Variants in SULT4A1 observed in about 807,000 individuals in gnomAD.
The protein encoded by SULT4A1 is sulfotransferase 4A1.
In SULT4A1, 11 loss-of-function variants were observed where a neutral mutation model predicts 35.2. The ratio of observed to expected loss-of-function variants is 0.31; its 90% confidence interval spans 0.20 to 0.52. SULT4A1 has a LOEUF of 0.52. SULT4A1 is among the 20% of genes least tolerant of loss of function. SULT4A1 has a pLI of 0.97. For synonymous variants in SULT4A1, 152 were observed against 151.8 expected (o/e 1.00, Z -0.01); for missense variants, 271 against 383.7 (o/e 0.71, Z 2.45).
intron 2 of SULT4A1, among the ~76,000 whole-genome samples, chr22:43,841,507 A>C (rs1008901427): frequency 6.6e-6 from 1 of 152,066 alleles, no homozygotes; most frequent in African/African-American, 2.4e-5. Flanking sequence ...CCCCCAGGGG[A>C]AAGCGAGGGG....
intron 1 of SULT4A1, among the ~76,000 whole-genome samples, chr22:43,852,011 A>AG (rs1200945198): frequency 1.3e-5 from 2 of 152,154 alleles, no homozygotes; most frequent in Non-Finnish European, 2.9e-5. Flanking sequence ...CTGGGAGTTC[A>AG]GAGCTTTCTA....
chr22:43,859,385 G>A (rs775863914), intron 1 of SULT4A1, among the ~76,000 whole-genome samples: 6 of 152,238 alleles, frequency 3.9e-5, no homozygotes, highest in Non-Finnish European at 8.8e-5. Flanking sequence ...AGGACTGGCC[G>A]GAACCAGGGG....
intron 1 of SULT4A1, among the ~76,000 whole-genome samples, chr22:43,846,445 T>C (rs2063477629): frequency 6.6e-6 from 1 of 152,232 alleles, no homozygotes; most frequent in African/African-American, 2.4e-5. Flanking sequence ...CATGTGGCCA[T>C]GCTCAATTCA....
intron 4 of SULT4A1, among the ~76,000 whole-genome samples, chr22:43,838,627 G>C (rs993947078): frequency 3.7e-4 from 56 of 152,346 alleles, no homozygotes; most frequent in African/African-American, 1.3e-3. Context: ...CCGACAGTGT[G>C]GTAGAAGAGA....
At chr22:43,858,077 G>GA (rs1285293121) in intron 1 of SULT4A1, among the ~76,000 whole-genome samples, 31 of 135,918 alleles carry the variant, frequency 2.3e-4, no homozygotes, top group African/African-American at 8.2e-4. Context: ...AGGAAAGAAA[G>GA]AAAAAAAAAG....
intron 6 of SULT4A1, chr22:43,827,755 C>CCACA (rs3223292): frequency 0.24 from 77,317 of 325,932 alleles, 7,147 homozygotes; most frequent in East Asian, 0.43. Flanking sequence ...CGCTGCTTCA[C>CCACA]CACACACACA....
At chr22:43,850,597 C>G (rs965576354) in intron 1 of SULT4A1, among the ~76,000 whole-genome samples, 2 of 152,134 alleles carry the variant, frequency 1.3e-5, no homozygotes, top group African/African-American at 2.4e-5. Flanking sequence ...TGCCCCTGTT[C>G]CCTCTGCTCT....
At chr22:43,839,366 G>A (rs2063405853) in intron 3 of SULT4A1, among the ~76,000 whole-genome samples, 1 of 152,184 alleles carries the variant, frequency 6.6e-6, no homozygotes. Flanking sequence ...GGCCGAGGTG[G>A]GTAGATCACC....
rs190454965 is a variant in SULT4A1 at position 43,833,293 on chromosome 22, G to A, written c.603+347C>T. On this transcript the variant is annotated intron_variant, in intron 5 of 6. Transcript: ENST00000330884. ...GGCTCCCCAAGCTACCAGCTGCCTCGTGTCTCACTGCAGACAGTGGCCTCT... is the reference window on the plus strand; with the variant it reads ...GGCTCCCCAAGCTACCAGCTGCCTCATGTCTCACTGCAGACAGTGGCCTCT... 5.4e-4 allele frequency among the ~76,000 whole-genome samples: 82 copies of A among 152,104 alleles called. No individual in the cohort carries two copies. The East Asian group carries it at 0.013, about 24-fold the overall frequency.
Position 43,833,625 on chromosome 22 carries a change from T to G in SULT4A1, c.603+15A>C, listed in dbSNP as rs1437636753. The G allele has an allele frequency of 6.3e-7, 1 of 1,584,748 alleles. No individual in the cohort carries two copies. Among genetic ancestry groups the G allele is most frequent in the South Asian group, 1.1e-5 (1 of 87,206 alleles). ...GCCAGGGCACCCGGAGGACAGCTGCTCCGGCAGCACTCACCCGATGCATGT... is the reference window on the plus strand; with the variant it reads ...GCCAGGGCACCCGGAGGACAGCTGCGCCGGCAGCACTCACCCGATGCATGT... On this transcript the variant is annotated intron_variant, in intron 5 of 6. Transcript: ENST00000330884.
chr22:43,846,630 G>A (rs1303117533), intron 1 of SULT4A1, among the ~76,000 whole-genome samples: 1 of 152,246 alleles, frequency 6.6e-6, no homozygotes, highest in Non-Finnish European at 1.5e-5. Context: ...TACACACAAA[G>A]AACTTCTCAG....
chr22:43,833,780 A>C (rs1485289940), intron 4 of SULT4A1, 46 bp from the exon 5 acceptor site: 1 of 1,505,646 alleles, frequency 6.6e-7, no homozygotes, highest in Admixed American at 2.0e-5. Context: ...GGGCAGGAGA[A>C]GCGCACACAT....
intron 5 of SULT4A1, among the ~76,000 whole-genome samples, chr22:43,830,563 G>A (rs1467704576): frequency 2.0e-5 from 3 of 152,238 alleles, no homozygotes; most frequent in Admixed American, 6.5e-5. Context: ...CGACAGGGCC[G>A]CAGCAAGAGG....
intron 5 of SULT4A1, among the ~76,000 whole-genome samples, chr22:43,829,970 A>G (rs2063314239): frequency 1.3e-5 from 2 of 152,250 alleles, no homozygotes; most frequent in Non-Finnish European, 2.9e-5. Flanking sequence ...TCTTTATTGC[A>G]GCACTTCGGA....
chr22:43,855,509 GC>G (rs906593636), intron 1 of SULT4A1, among the ~76,000 whole-genome samples: 3 of 152,050 alleles, frequency 2.0e-5, no homozygotes, highest in Non-Finnish European at 1.5e-5. Context: ...TGGCTCACCA[GC>G]CCCCACAAAA....
chr22:43,862,113 C>T (rs1391728183), intron 1 of SULT4A1, 101 bp downstream of exon 1: 7 of 993,706 alleles, frequency 7.0e-6, no homozygotes, highest in South Asian at 3.8e-5. Context: ...CAAGGGCGAC[C>T]ACCCGGCCCA....
In SULT4A1 at chr22:43,825,730, A is replaced by G; in HGVS notation, c.*271T>C. The G allele has an allele frequency of 3.3e-6, 1 of 303,974 alleles. No homozygotes were observed. Among genetic ancestry groups the G allele is most frequent in the East Asian group, 6.9e-5 (1 of 14,512 alleles). The allele number at this position is 303,974 out of a possible 1,614,324, so 18.8% of individuals were successfully genotyped here. On this transcript the variant is annotated 3_prime_UTR_variant, in exon 7 of 7. Coordinates refer to ENST00000330884, the MANE Select transcript of SULT4A1 (RefSeq NM_014351.4). ...GGCAGACATTCTAGTTGCATATATT[A>G]CAGGCTTTATCCTTACGGTCCAGGC...
rs374057069 is a variant in SULT4A1 at position 43,826,081 on chromosome 22, C to T, written c.775G>A (p.Val259Ile). ...AAGTCAAACTTCTCATTCATGGAGA[C>T]GGTGAAGATGTCCTTCCACAGCCCA... ...RVGLWKDIFT[V>I]SMNEKFDLVY... The change falls in exon 7 of 7, where the codon GTC becomes ATC. Residue 259 changes from valine to isoleucine, a missense_variant. Physicochemically the swap from Val to Ile is conservative, Grantham distance 29. Transcript: ENST00000330884. 9.3e-6 allele frequency: 15 copies of T among 1,614,062 alleles called. No individual in the cohort carries two copies. The highest frequency in any genetic ancestry group is 3.3e-5 in the Admixed American group (2 of 60,004).
intron 5 of SULT4A1, among the ~76,000 whole-genome samples, chr22:43,831,810 G>T (rs2063327933): frequency 6.6e-6 from 1 of 152,266 alleles, no homozygotes; most frequent in Admixed American, 6.5e-5. Flanking sequence ...ACTGCAAGAA[G>T]CTGGAATGTT....
Sources: gnomAD v4.1 joint callset for allele counts (sites outside exome capture counted in the v4.1 genomes callset) on GRCh38, gnomAD v4.1.1 for gene constraint, MANE v1.5 for transcripts, NCBI Gene and HGNC (gene_info 2026-07-23, HGNC 2026-07-21) for gene names.